The following MOB3B variants were observed in gnomAD, a reference collection of about 807,000 sequenced individuals.
MOB3B encodes MOB kinase activator-like 2B.
A neutral mutation model predicts 18.7 loss-of-function variants in MOB3B; 7 were observed. The ratio of observed to expected loss-of-function variants is 0.37; its 90% CI spans 0.21 to 0.70. MOB3B has a LOEUF of 0.70. Among genes scored for constraint, MOB3B ranks in the 30% least tolerant of loss-of-function variants. The probability of loss-of-function intolerance (pLI) is 0.52; values close to 1 mark genes in which losing one functional copy is unlikely to be tolerated. For missense variants in MOB3B, 253 were observed against 281.3 expected (o/e 0.90, Z 0.72); for synonymous variants, 111 against 99.9 (o/e 1.11, Z -0.66).
At chr9:27,350,630 A>G (rs1022778706) in intron 3 of MOB3B, among the ~76,000 whole-genome samples, 1 of 152,228 alleles carries the variant, frequency 6.6e-6, no homozygotes, top group Non-Finnish European at 1.5e-5. Flanking sequence ...GTTACCCAGC[A>G]TAAGGCAATT....
At chr9:27,511,615 C>A (rs528224680) in intron 1 of MOB3B, among the ~76,000 whole-genome samples, 19 of 152,240 alleles carry the variant, frequency 1.2e-4, no homozygotes, top group East Asian at 5.8e-4. Context: ...GCAAATTAAT[C>A]ATTTAGCTTC....
chr9:27,500,673 G>A (rs1237400075), intron 1 of MOB3B, among the ~76,000 whole-genome samples: 7 of 151,894 alleles, frequency 4.6e-5, no homozygotes, highest in Admixed American at 1.3e-4. Flanking sequence ...AATACCATTC[G>A]GGACATAGGC....
At chr9:27,378,571 T>G (rs1467274516) in intron 2 of MOB3B, 1 of 470,958 alleles carries the variant, frequency 2.1e-6, no homozygotes, top group African/African-American at 2.0e-5. Flanking sequence ...GGGCCGGGGA[T>G]CTGGTGTGCC....
intron 2 of MOB3B, among the ~76,000 whole-genome samples, chr9:27,414,281 G>C (rs975366952): frequency 1.5e-4 from 23 of 152,230 alleles, no homozygotes; most frequent in African/African-American, 5.3e-4. Context: ...AAGCAGGGAA[G>C]CTGCACATTC....
At chr9:27,513,458 G>A (rs948361169) in intron 1 of MOB3B, among the ~76,000 whole-genome samples, 8 of 152,110 alleles carry the variant, frequency 5.3e-5, no homozygotes, top group African/African-American at 9.7e-5. Context: ...TCTTTCATAC[G>A]TTTTAACTGG....
intron 2 of MOB3B, among the ~76,000 whole-genome samples, chr9:27,424,425 C>T (rs978666786): frequency 6.6e-6 from 1 of 152,156 alleles, no homozygotes; most frequent in Non-Finnish European, 1.5e-5. Flanking sequence ...CAGGGCAGGT[C>T]CCCAGTGAGT....
At chr9:27,452,836 TAG>T (rs900688647) in intron 2 of MOB3B, among the ~76,000 whole-genome samples, 1 of 152,136 alleles carries the variant, frequency 6.6e-6, no homozygotes, top group Non-Finnish European at 1.5e-5. Flanking sequence ...CTCATAGAAG[TAG>T]AGAGTTAGAA....
chr9:27,344,099 T>C (rs1396152104), intron 3 of MOB3B, among the ~76,000 whole-genome samples: 1 of 145,500 alleles, frequency 6.9e-6, no homozygotes, highest in Non-Finnish European at 1.5e-5. Flanking sequence ...TAAAAAAATT[T>C]AGAAAGGAAA....
intron 2 of MOB3B, among the ~76,000 whole-genome samples, chr9:27,448,578 G>T (rs2131442580): frequency 6.6e-6 from 1 of 152,296 alleles, no homozygotes; most frequent in African/African-American, 2.4e-5. Context: ...GTGGCCCCAT[G>T]ATTCAATTAT....
rs995648816 is a variant in MOB3B at position 27,331,063 on chromosome 9, T to A, written c.622-447A>T. 4.6e-5 allele frequency among the ~76,000 whole-genome samples: 7 copies of A among 152,288 alleles called. 1 individual carries two copies. The East Asian group carries it at 1.3e-3, about 29-fold the overall frequency. On this transcript the variant is annotated intron_variant, in intron 3 of 3. Transcript: ENST00000262244. ...TAGTTTTCTTCGAGTAGGGAAAGATTTAAGTTTCAATCAAAGATGGAAAAA... is the reference window on the plus strand; with the variant it reads ...TAGTTTTCTTCGAGTAGGGAAAGATATAAGTTTCAATCAAAGATGGAAAAA...
intron 1 of MOB3B, 62 bp from the exon 2 acceptor site, chr9:27,455,810 C>A (rs1385728501): frequency 2.9e-6 from 4 of 1,363,140 alleles, no homozygotes; most frequent in Non-Finnish European, 3.8e-6. Context: ...AAATGACAGT[C>A]TTCAACCTGA....
At chr9:27,345,925 G>A (rs930025665) in intron 3 of MOB3B, among the ~76,000 whole-genome samples, 2 of 152,132 alleles carry the variant, frequency 1.3e-5, no homozygotes, top group African/African-American at 4.8e-5. Context: ...TAAGCCTTTG[G>A]GCAAAAATCC....
intron 1 of MOB3B, among the ~76,000 whole-genome samples, chr9:27,481,823 C>A (rs1819662184): frequency 6.6e-6 from 1 of 152,086 alleles, no homozygotes; most frequent in Non-Finnish European, 1.5e-5. Flanking sequence ...CCGCGCCCAG[C>A]CTAAGGAAGG....
chr9:27,348,786 G>A (rs1298726014), intron 3 of MOB3B, among the ~76,000 whole-genome samples: 2 of 152,218 alleles, frequency 1.3e-5, no homozygotes, highest in African/African-American at 2.4e-5. Flanking sequence ...CTAGTCTGTA[G>A]AAGATACATG....
chr9:27,372,674 A>G (rs2131368330), intron 2 of MOB3B, among the ~76,000 whole-genome samples: 1 of 152,306 alleles, frequency 6.6e-6, no homozygotes, highest in South Asian at 2.1e-4. Context: ...AAATCAGACA[A>G]ACCAACACTG....
intron 2 of MOB3B, among the ~76,000 whole-genome samples, chr9:27,392,282 T>C (rs912639262): frequency 5.9e-5 from 9 of 152,200 alleles, no homozygotes; most frequent in South Asian, 2.1e-4. Context: ...TTGAACATCA[T>C]TGAAGCTTAA....
intron 3 of MOB3B, among the ~76,000 whole-genome samples, chr9:27,340,304 A>C (rs1224306801): frequency 2.6e-5 from 4 of 152,264 alleles, no homozygotes; most frequent in African/African-American, 9.6e-5. Context: ...ATATTTATTC[A>C]TACCGATACA....
At position 27,359,148 on chromosome 9, in the gene MOB3B, G is replaced by A. The variant is rs1481546514; in HGVS notation, c.507C>T (p.His169=). 1.2e-6 allele frequency: 2 copies of A among 1,614,094 alleles called. No individual in the cohort carries two copies. The highest frequency in any genetic ancestry group is 1.3e-5 in the African/African-American group (1 of 74,928). The change falls in exon 3 of 4, where the codon CAC becomes CAT. Residue 169 remains histidine, a synonymous_variant. Coordinates refer to ENST00000262244, the MANE Select transcript of MOB3B (RefSeq NM_024761.5). The part of the protein sequence containing the change: ...FRVFVHVYIH[H]FDRVIVMGAE... ...CACCCATCACAATGACCCGGTCGAA[G>A]TGGTGGATATAGACGTGGACAAAGA...
At chr9:27,423,707 A>G (rs1563865194) in intron 2 of MOB3B, among the ~76,000 whole-genome samples, 1 of 152,176 alleles carries the variant, frequency 6.6e-6, no homozygotes, top group African/African-American at 2.4e-5. Context: ...AGAATTGTCC[A>G]CTCTTTCAAA....
Sources: allele counts gnomAD v4.1 joint callset (sites outside exome capture counted in the v4.1 genomes callset), GRCh38; gene constraint gnomAD v4.1.1; transcripts MANE v1.5; gene names NCBI Gene and HGNC (gene_info 2026-07-23, HGNC 2026-07-21).